The following SGCD variants were observed in gnomAD, a reference collection of about 807,000 sequenced individuals.
The protein encoded by SGCD is delta-sarcoglycan.
A neutral mutation model predicts 36.6 loss-of-function variants in SGCD; 18 were observed. The ratio of observed to expected loss-of-function variants is 0.49; its 90% CI spans 0.34 to 0.73. SGCD has a LOEUF of 0.73. Ranked by LOEUF, SGCD falls within the 30% of genes least tolerant of loss-of-function variation. SGCD has a pLI of 0.01. For missense variants in SGCD, 387 were observed against 346.7 expected (o/e 1.12, Z -0.92); for synonymous variants, 133 against 130.6 (o/e 1.02, Z -0.12).
chr5:155,901,273 C>G (rs941481390), intron 1 of SGCD, among the ~76,000 whole-genome samples: 1 of 150,836 alleles, frequency 6.6e-6, no homozygotes, highest in African/African-American at 2.4e-5. Context: ...GATAGTACCA[C>G]TGCACTCCAG....
intron 1 of SGCD, among the ~76,000 whole-genome samples, chr5:155,909,093 G>A (rs549812978): frequency 6.6e-6 from 1 of 151,620 alleles, no homozygotes; most frequent in East Asian, 1.9e-4. Context: ...GTTAGGCTCT[G>A]AGAGGGTGGG....
chr5:156,207,113 C>A (rs1264957528), intron 3 of SGCD, among the ~76,000 whole-genome samples: 1 of 152,012 alleles, frequency 6.6e-6, no homozygotes, highest in African/African-American at 2.4e-5. Flanking sequence ...CCTGTAGTGG[C>A]CCTTTGGAGA....
At chr5:156,470,014 G>T (rs1754885159) in intron 3 of SGCD, among the ~76,000 whole-genome samples, 1 of 152,206 alleles carries the variant, frequency 6.6e-6, no homozygotes, top group Non-Finnish European at 1.5e-5. Context: ...AGTTTCTGCA[G>T]TAATCAGCTT....
chr5:155,936,466 T>A (rs1757204551), intron 1 of SGCD, among the ~76,000 whole-genome samples: 1 of 152,162 alleles, frequency 6.6e-6, no homozygotes, highest in Non-Finnish European at 1.5e-5. Context: ...GGTCGTCCCA[T>A]CATCCTTTTA....
At chr5:155,764,236 T>C in the SGCD span, among the ~76,000 whole-genome samples, 1 of 152,116 alleles carries the variant, frequency 6.6e-6, no homozygotes, top group Non-Finnish European at 1.5e-5. Context: ...TATTAGATAA[T>C]GGTTAATAGG....
At chr5:156,466,107 A>C (rs1754710078) in intron 3 of SGCD, among the ~76,000 whole-genome samples, 1 of 152,222 alleles carries the variant, frequency 6.6e-6, no homozygotes, top group South Asian at 2.1e-4. Flanking sequence ...TGTAGATAAC[A>C]CCGGAAGGCA....
intron 2 of SGCD, among the ~76,000 whole-genome samples, chr5:156,123,470 A>ATAT (rs1762095322): frequency 1.3e-5 from 2 of 152,138 alleles, no homozygotes; most frequent in Non-Finnish European, 2.9e-5. Flanking sequence ...TCTTGCTTTG[A>ATAT]TGATAGACCA....
chr5:156,406,790 T>TA (rs1772432706), intron 3 of SGCD, among the ~76,000 whole-genome samples: 11 of 75,664 alleles, frequency 1.5e-4, no homozygotes, highest in South Asian at 4.7e-4. Context: ...ATAGGAGATT[T>TA]TATATATATA....
chr5:155,823,280 T>C, the SGCD span, among the ~76,000 whole-genome samples: 1 of 144,598 alleles, frequency 6.9e-6, no homozygotes, highest in African/African-American at 2.6e-5. Context: ...CAAGATGAGC[T>C]GTCCCAGGTC....
intron 1 of SGCD, among the ~76,000 whole-genome samples, chr5:155,886,028 GTGAGAAAA>G (rs1390787934): frequency 2.6e-5 from 4 of 152,184 alleles, no homozygotes; most frequent in African/African-American, 9.7e-5. Context: ...CATTTATTTA[GTGAGAAAA>G]TGCTTACTTC....
At chr5:156,231,865 A>G (rs910266661) in intron 3 of SGCD, among the ~76,000 whole-genome samples, 12 of 152,120 alleles carry the variant, frequency 7.9e-5, no homozygotes, top group Non-Finnish European at 1.5e-4. Context: ...TCTCAGTTAT[A>G]CTTCACATGG....
chr5:156,450,901 CA>C (rs561223398), intron 3 of SGCD, among the ~76,000 whole-genome samples: 7 of 151,004 alleles, frequency 4.6e-5, no homozygotes, highest in East Asian at 1.9e-4. Flanking sequence ...TAGAAAATTT[CA>C]AAAAAAAGAG....
At chr5:156,365,698 ATGTG>A (rs1406588332) in intron 3 of SGCD, among the ~76,000 whole-genome samples, 1 of 152,176 alleles carries the variant, frequency 6.6e-6, no homozygotes, top group African/African-American at 2.4e-5. Context: ...ATGGGCATAT[ATGTG>A]TGTATGTAGA....
At chr5:156,113,099 C>T (rs566825367) in intron 1 of SGCD, among the ~76,000 whole-genome samples, 17 of 152,204 alleles carry the variant, frequency 1.1e-4, no homozygotes, top group Non-Finnish European at 2.4e-4. Context: ...GATCTTGTCC[C>T]CTCTTCTATG....
chr5:155,934,377 C>A (rs922245924), intron 1 of SGCD, among the ~76,000 whole-genome samples: 1 of 152,150 alleles, frequency 6.6e-6, no homozygotes, highest in East Asian at 1.9e-4. Context: ...TTTTAACGAT[C>A]TTTTTTTGCG....
intron 1 of SGCD, among the ~76,000 whole-genome samples, chr5:155,968,698 C>T (rs1005658244): frequency 1.3e-5 from 2 of 152,172 alleles, no homozygotes; most frequent in East Asian, 1.9e-4. Flanking sequence ...GTATCCTCCT[C>T]AGATAAGGGG....
chr5:156,371,507 G>A (rs1423639842), intron 3 of SGCD, among the ~76,000 whole-genome samples: 1 of 152,168 alleles, frequency 6.6e-6, no homozygotes, highest in East Asian at 1.9e-4. Context: ...AGTATGATAG[G>A]AGCTACAGGC....
intron 3 of SGCD, among the ~76,000 whole-genome samples, chr5:156,292,844 A>G (rs1401422433): frequency 3.3e-5 from 5 of 152,156 alleles, no homozygotes; most frequent in East Asian, 1.9e-4. Flanking sequence ...CATTTCCCCA[A>G]TGATACTGAT....
At chr5:155,792,744 T>TA in the SGCD span, among the ~76,000 whole-genome samples, 1 of 151,924 alleles carries the variant, frequency 6.6e-6, no homozygotes, top group South Asian at 2.1e-4. Context: ...CTTTACGAAG[T>TA]AAAAAAATAA....
Sources: allele counts gnomAD v4.1 joint callset (sites outside exome capture counted in the v4.1 genomes callset), GRCh38; gene constraint gnomAD v4.1.1; transcripts MANE v1.5; gene names NCBI Gene and HGNC (gene_info 2026-07-23, HGNC 2026-07-21).